GRIN3A: variants seen among roughly 807,000 people sequenced by gnomAD.
GRIN3A encodes glutamate ionotropic receptor NMDA type subunit 3A, also known as glutamate receptor ionotropic, NMDA 3A.
Under a neutral mutation model 92.4 loss-of-function variants are expected in GRIN3A, and 47 were observed. The ratio of observed to expected loss-of-function variants is 0.51; its 90% CI spans 0.40 to 0.65. GRIN3A has a LOEUF of 0.65. Ranked by LOEUF, GRIN3A falls within the 30% of genes least tolerant of loss-of-function variation. The pLI is 0.00. For missense variants in GRIN3A, 1,324 were observed against 1,393.1 expected (o/e 0.95, Z 0.79); for synonymous variants, 527 against 540.6 (o/e 0.97, Z 0.35).
At chr9:101,730,223 T>C (rs1830121966) in intron 1 of GRIN3A, among the ~76,000 whole-genome samples, 1 of 152,166 alleles carries the variant, frequency 6.6e-6, no homozygotes. Context: ...GAACTCTAAG[T>C]GGGACTTCAA....
chr9:101,610,265 A>G (rs1404997834), intron 6 of GRIN3A, among the ~76,000 whole-genome samples: 1 of 152,218 alleles, frequency 6.6e-6, no homozygotes, highest in Non-Finnish European at 1.5e-5. Flanking sequence ...TACAGTTTCT[A>G]TTACATGGTA....
At chr9:101,715,216 A>AG (rs1482222726) in intron 1 of GRIN3A, among the ~76,000 whole-genome samples, 10 of 151,492 alleles carry the variant, frequency 6.6e-5, no homozygotes, top group African/African-American at 2.2e-4. Context: ...AAAAAAAAAA[A>AG]AAAGAAAATG....
chr9:101,663,615 T>C (rs1588272390), intron 3 of GRIN3A, among the ~76,000 whole-genome samples: 1 of 151,912 alleles, frequency 6.6e-6, no homozygotes, highest in African/African-American at 2.4e-5. Context: ...AGCTGTTATA[T>C]GACAATCAAT....
At chr9:101,684,748 T>A (rs978709878) in intron 2 of GRIN3A, among the ~76,000 whole-genome samples, 3 of 152,206 alleles carry the variant, frequency 2.0e-5, no homozygotes, top group Admixed American at 1.3e-4. Flanking sequence ...TTTTTAGGAT[T>A]CAAACAGAAT....
chr9:101,735,463 G>C (rs1830190110), intron 1 of GRIN3A, among the ~76,000 whole-genome samples: 1 of 150,980 alleles, frequency 6.6e-6, no homozygotes, highest in Non-Finnish European at 1.5e-5. Context: ...TGGTTTTTCT[G>C]GTCCCCTTGT....
chr9:101,665,620 A>G (rs1391447614), intron 3 of GRIN3A, among the ~76,000 whole-genome samples: 1 of 151,940 alleles, frequency 6.6e-6, no homozygotes, highest in Non-Finnish European at 1.5e-5. Context: ...CCATTACTCC[A>G]TATAAAATGT....
chr9:101,657,510 G>A (rs538023932), intron 3 of GRIN3A, among the ~76,000 whole-genome samples: 54 of 152,078 alleles, frequency 3.6e-4, no homozygotes, highest in African/African-American at 1.2e-3. Context: ...CAAAATTTAT[G>A]TGAGTTAAGC....
At chr9:101,610,423 G>C (rs892989294) in intron 6 of GRIN3A, among the ~76,000 whole-genome samples, 1 of 152,106 alleles carries the variant, frequency 6.6e-6, no homozygotes, top group Non-Finnish European at 1.5e-5. Context: ...TTTTCAAAAA[G>C]AATTATTTTA....
At chr9:101,630,921 C>A (rs925482706) in intron 3 of GRIN3A, among the ~76,000 whole-genome samples, 1 of 152,156 alleles carries the variant, frequency 6.6e-6, no homozygotes, top group Non-Finnish European at 1.5e-5. Flanking sequence ...CAAGTTAATT[C>A]ATTTTATCTA....
intron 6 of GRIN3A, among the ~76,000 whole-genome samples, chr9:101,588,957 A>T (rs1429097907): frequency 6.6e-6 from 1 of 151,480 alleles, no homozygotes; most frequent in African/African-American, 2.4e-5. Context: ...TACAATAAAA[A>T]TTTTGTGTAT....
Position 101,569,634 on chromosome 9 carries a change from A to G in GRIN3A, c.*3540T>C, listed in dbSNP as rs1472912626. On this transcript the variant is annotated 3_prime_UTR_variant, in exon 9 of 9. Transcript: ENST00000361820. ...GATTAGTAACTAAAAAAAAAGAGTG[A>G]GGGAATCCTGGATTAGATGGATAGT... is the stretch of plus-strand genomic sequence containing the variant. 6.6e-6 allele frequency: 1 copy of G among 152,208 alleles called. No individual in the cohort carries two copies. The highest frequency in any genetic ancestry group is 1.5e-5 in the Non-Finnish European group (1 of 68,018). The allele number at this position is 152,208 out of a possible 1,614,324, so 9.4% of individuals were successfully genotyped here. A position where few individuals can be genotyped will look rare whatever the true frequency, so the allele number is the denominator to read the frequency against.
At chr9:101,678,890 T>C (rs745432018) in intron 2 of GRIN3A, among the ~76,000 whole-genome samples, 2 of 152,208 alleles carry the variant, frequency 1.3e-5, no homozygotes, top group Non-Finnish European at 2.9e-5. Context: ...AACAGTTTGA[T>C]TTATTCCATA....
At chr9:101,697,134 T>A (rs1829695432) in intron 1 of GRIN3A, among the ~76,000 whole-genome samples, 1 of 152,224 alleles carries the variant, frequency 6.6e-6, no homozygotes, top group Non-Finnish European at 1.5e-5. Context: ...ATTGACGAGC[T>A]TAACACTAGA....
chr9:101,700,412 C>A (rs1179799218), intron 1 of GRIN3A, among the ~76,000 whole-genome samples: 3 of 152,068 alleles, frequency 2.0e-5, no homozygotes, highest in Non-Finnish European at 4.4e-5. Flanking sequence ...TGGCACAGAT[C>A]TTTTCTGATG....
intron 1 of GRIN3A, among the ~76,000 whole-genome samples, chr9:101,699,584 C>T (rs928512730): frequency 2.0e-5 from 3 of 152,116 alleles, no homozygotes; most frequent in Non-Finnish European, 4.4e-5. Context: ...CATCTCAAAA[C>T]ACTAAATTCA....
chr9:101,666,380 A>T (rs1829236955), intron 3 of GRIN3A, among the ~76,000 whole-genome samples: 1 of 152,098 alleles, frequency 6.6e-6, no homozygotes, highest in East Asian at 1.9e-4. Flanking sequence ...CTCTTAGCAA[A>T]CTAACACAGG....
intron 8 of GRIN3A, among the ~76,000 whole-genome samples, chr9:101,576,217 A>G (rs551523168): frequency 4.0e-4 from 61 of 152,276 alleles, no homozygotes; most frequent in African/African-American, 1.4e-3. Flanking sequence ...AATGGGTAAA[A>G]TAGGCTTCCC....
chr9:101,623,337 C>T lies in GRIN3A; in HGVS notation c.2595G>A (p.Gly865=), dbSNP rs780976523. The change falls in exon 5 of 9, where the codon GGG becomes GGA. Residue 865 remains glycine (G), a synonymous_variant. Coordinates refer to ENST00000361820, the MANE Select transcript of GRIN3A (RefSeq NM_133445.3). ...TAATACCTTCTATGGCAAATGGCTT[C>T]CCCACAGTGAGAAGTTTGCAGTCAG... ...IDADCKLLTV[G]KPFAIEGYGI... 2.0e-5 allele frequency: 32 copies of T among 1,611,492 alleles called. 1 individual carries two copies. In the South Asian group the frequency reaches 2.4e-4, roughly 12 times the overall value.
At chr9:101,734,641 T>C (rs1324103065) in intron 1 of GRIN3A, among the ~76,000 whole-genome samples, 2 of 151,944 alleles carry the variant, frequency 1.3e-5, no homozygotes, top group Non-Finnish European at 2.9e-5. Context: ...GGCAGCTCTT[T>C]CCATTTAAGA....
Sources: allele counts gnomAD v4.1 joint callset (sites outside exome capture counted in the v4.1 genomes callset), GRCh38; gene constraint gnomAD v4.1.1; transcripts MANE v1.5; gene names NCBI Gene and HGNC (gene_info 2026-07-23, HGNC 2026-07-21).